KCNN2: variants seen among roughly 807,000 people sequenced by gnomAD.
KCNN2 encodes small conductance calcium-activated potassium channel protein 2.
KCNN2 carries 24 observed loss-of-function variants against 55.5 expected under a neutral mutation model. That is an observed-to-expected ratio of 0.43 (90% CI 0.31 to 0.61). The LOEUF is 0.61. Ranked by LOEUF, KCNN2 falls within the 20% of genes least tolerant of loss-of-function variation. The probability of loss-of-function intolerance (pLI) is 0.08; values close to 1 mark genes in which losing one functional copy is unlikely to be tolerated. For missense variants in KCNN2, 754 were observed against 853.6 expected (o/e 0.88, Z 1.45); for synonymous variants, 431 against 336.1 (o/e 1.28, Z -3.09).
chr5:114,192,938 A>C (rs967357878), intron 1 of KCNN2, among the ~76,000 whole-genome samples: 2 of 152,100 alleles, frequency 1.3e-5, no homozygotes, highest in Non-Finnish European at 2.9e-5. Context: ...TTTTATTGCC[A>C]ACTGATTGTC....
intron 3 of KCNN2, among the ~76,000 whole-genome samples, chr5:114,439,758 C>G (rs1007815043): frequency 6.6e-6 from 1 of 152,144 alleles, no homozygotes; most frequent in Non-Finnish European, 1.5e-5. Flanking sequence ...AAATCTCCCA[C>G]CACAGAAAGA....
At chr5:114,382,779 G>A (rs1758162325) in intron 2 of KCNN2, among the ~76,000 whole-genome samples, 1 of 152,158 alleles carries the variant, frequency 6.6e-6, no homozygotes, top group Non-Finnish European at 1.5e-5. Flanking sequence ...CACAACTCCA[G>A]TCATATGCCC....
At chr5:114,263,200 CAGT>C (rs1352890624) in intron 2 of KCNN2, among the ~76,000 whole-genome samples, 1 of 151,982 alleles carries the variant, frequency 6.6e-6, no homozygotes, top group Non-Finnish European at 1.5e-5. Context: ...TGAAAACAAG[CAGT>C]TTACAGATGG....
intron 2 of KCNN2, among the ~76,000 whole-genome samples, chr5:114,284,051 C>T (rs1755682923): frequency 6.6e-6 from 1 of 152,178 alleles, no homozygotes. Flanking sequence ...TTTCTGGTGA[C>T]TTCAGGACCT....
At chr5:114,154,481 A>G (rs1374577650) in intron 1 of KCNN2, among the ~76,000 whole-genome samples, 1 of 152,076 alleles carries the variant, frequency 6.6e-6, no homozygotes, top group African/African-American at 2.4e-5. Context: ...TGATTTTATT[A>G]CCTACTCTAC....
chr5:114,279,861 C>T (rs1341973206), intron 2 of KCNN2, among the ~76,000 whole-genome samples: 2 of 152,182 alleles, frequency 1.3e-5, no homozygotes, highest in East Asian at 1.9e-4. Flanking sequence ...TCTAGATCCT[C>T]GAGGAATTGC....
intron 4 of KCNN2, among the ~76,000 whole-genome samples, chr5:114,469,434 T>C (rs1208756401): frequency 1.3e-5 from 2 of 152,134 alleles, no homozygotes; most frequent in African/African-American, 4.8e-5. Context: ...AGGTTAGTGA[T>C]TTTGCTTAAG....
intron 4 of KCNN2, among the ~76,000 whole-genome samples, chr5:114,466,286 C>T (rs1761445180): frequency 6.6e-6 from 1 of 152,040 alleles, no homozygotes; most frequent in South Asian, 2.1e-4. Context: ...TTGTAAAGGT[C>T]ATGATAAACA....
intron 2 of KCNN2, among the ~76,000 whole-genome samples, chr5:114,322,926 C>T (rs1204339831): frequency 6.6e-6 from 1 of 152,106 alleles, no homozygotes; most frequent in Non-Finnish European, 1.5e-5. Flanking sequence ...GCCCAATACC[C>T]AATAGTTATC....
chr5:114,368,426 A>G (rs1757668211), intron 2 of KCNN2, among the ~76,000 whole-genome samples: 1 of 152,166 alleles, frequency 6.6e-6, no homozygotes, highest in Admixed American at 6.5e-5. Flanking sequence ...TTCGTGCACC[A>G]AGGCCACAGA....
intron 1 of KCNN2, among the ~76,000 whole-genome samples, chr5:114,057,837 A>G (rs537078184): frequency 6.6e-6 from 1 of 152,340 alleles, no homozygotes; most frequent in African/African-American, 2.4e-5. Context: ...ATGCAAATTA[A>G]GTCCACATTG....
intron 1 of KCNN2, among the ~76,000 whole-genome samples, chr5:114,072,183 T>G (rs1223946024): frequency 6.6e-6 from 1 of 151,946 alleles, no homozygotes; most frequent in Non-Finnish European, 1.5e-5. Flanking sequence ...TCCCAGCTAT[T>G]TGGGAGGCTG....
At chr5:114,353,841 G>GTTAT (rs1757253981) in intron 2 of KCNN2, among the ~76,000 whole-genome samples, 1 of 151,844 alleles carries the variant, frequency 6.6e-6, no homozygotes, top group Non-Finnish European at 1.5e-5. Flanking sequence ...TACTTGGCAT[G>GTTAT]TTATTTTTCT....
intron 2 of KCNN2, among the ~76,000 whole-genome samples, chr5:114,274,881 G>C (rs1044189583): frequency 6.6e-6 from 1 of 152,138 alleles, no homozygotes; most frequent in African/African-American, 2.4e-5. Context: ...TGTTGAATAG[G>C]AGTGGTGAGA....
chr5:114,203,379 C>G (rs1376653858), intron 1 of KCNN2, among the ~76,000 whole-genome samples: 2 of 152,096 alleles, frequency 1.3e-5, no homozygotes, highest in Non-Finnish European at 2.9e-5. Flanking sequence ...TGCTCACAAT[C>G]TCATCTAAAT....
chr5:114,475,469 A>C (rs1198333358), intron 5 of KCNN2, among the ~76,000 whole-genome samples: 2 of 152,188 alleles, frequency 1.3e-5, no homozygotes, highest in Admixed American at 1.3e-4. Context: ...ACATCTTAGA[A>C]AGGACAGTCT....
At chr5:114,062,194 C>T (rs1393446462) in intron 1 of KCNN2, among the ~76,000 whole-genome samples, 3 of 151,624 alleles carry the variant, frequency 2.0e-5, no homozygotes, top group Non-Finnish European at 2.9e-5. Flanking sequence ...TTGCCCAGAA[C>T]AACATGTATT....
chr5:114,318,010 T>C (rs1756534410), intron 2 of KCNN2, among the ~76,000 whole-genome samples: 1 of 152,134 alleles, frequency 6.6e-6, no homozygotes, highest in African/African-American at 2.4e-5. Context: ...ACGTGGATGT[T>C]TATTATGGTG....
intron 2 of KCNN2, among the ~76,000 whole-genome samples, chr5:114,262,933 A>G (rs986408057): frequency 6.6e-6 from 1 of 152,206 alleles, no homozygotes; most frequent in African/African-American, 2.4e-5. Flanking sequence ...TGATCCTATT[A>G]TATCATTCGC....
Sources: gnomAD v4.1 joint callset for allele counts (sites outside exome capture counted in the v4.1 genomes callset) on GRCh38, gnomAD v4.1.1 for gene constraint, MANE v1.5 for transcripts, NCBI Gene and HGNC (gene_info 2026-07-23, HGNC 2026-07-21) for gene names.